The following SAMD5 variants were observed in gnomAD, a reference collection of about 807,000 sequenced individuals.
SAMD5 encodes sterile alpha motif domain containing 5.
SAMD5 carries 13 observed loss-of-function variants against 11.3 expected under a neutral mutation model. That is an observed-to-expected ratio of 1.15 (90% CI 0.75 to 1.83). The LOEUF is 1.83. Among genes scored for constraint, SAMD5 ranks in the 40% most tolerant of loss-of-function variants. The pLI is 0.00. For synonymous variants in SAMD5, 129 were observed against 111.3 expected (o/e 1.16, Z -1.00); for missense variants, 255 against 239.1 (o/e 1.07, Z -0.44).
chr6:147,627,848 T>C (rs1589737), intron 1 of SAMD5, among the ~76,000 whole-genome samples: 39,339 of 152,104 alleles, frequency 0.26, 6,293 homozygotes, highest in Middle Eastern at 0.35. Context: ...TTATTAGAGT[T>C]TTAAAAATAC....
At chr6:147,931,461 C>T in the SAMD5 span, among the ~76,000 whole-genome samples, 1 of 152,134 alleles carries the variant, frequency 6.6e-6, no homozygotes, top group East Asian at 1.9e-4. Flanking sequence ...TTTTGCAGAA[C>T]CTAAGTCCAG....
the SAMD5 span, among the ~76,000 whole-genome samples, chr6:147,757,556 T>C: frequency 6.6e-6 from 1 of 152,238 alleles, no homozygotes; most frequent in Non-Finnish European, 1.5e-5. Flanking sequence ...CATTTATACA[T>C]TTGGCATCAG....
the SAMD5 span, among the ~76,000 whole-genome samples, chr6:147,817,936 G>C: frequency 9.2e-5 from 14 of 152,226 alleles, no homozygotes; most frequent in African/African-American, 3.4e-4. Flanking sequence ...GACTATGCCA[G>C]AAAGGTTGGT....
At chr6:147,813,196 A>G in the SAMD5 span, among the ~76,000 whole-genome samples, 3 of 152,250 alleles carry the variant, frequency 2.0e-5, no homozygotes, top group Non-Finnish European at 4.4e-5. Flanking sequence ...AGGTAGAGAT[A>G]CACGAGAGTA....
chr6:147,647,916 A>G (rs948515736), intron 1 of SAMD5, among the ~76,000 whole-genome samples: 12 of 152,328 alleles, frequency 7.9e-5, no homozygotes, highest in African/African-American at 2.6e-4. Context: ...ATGTTCACTC[A>G]AACCCGTTCT....
At chr6:147,543,822 G>A (rs1583075544) in intron 1 of SAMD5, among the ~76,000 whole-genome samples, 1 of 152,228 alleles carries the variant, frequency 6.6e-6, no homozygotes, top group South Asian at 2.1e-4. Context: ...CTGGGCTTGC[G>A]GTCAGGTCTA....
rs762638493 is a variant in SAMD5 at position 147,567,715 on chromosome 6, T to G, written c.*3259T>G. On this transcript the variant is annotated 3_prime_UTR_variant, in exon 2 of 2. Transcript: ENST00000367474. ...CAGAAGAGATTACCTTAAAGCTGACTAGAAAACTCAGACATAAATTGACAT... is the reference window on the plus strand; with the variant it reads ...CAGAAGAGATTACCTTAAAGCTGACGAGAAAACTCAGACATAAATTGACAT... 5.9e-5 allele frequency: 58 copies of G among 985,342 alleles called. No homozygotes were observed. The highest frequency in any genetic ancestry group is 7.0e-5 in the Non-Finnish European group (58 of 829,870). The allele number at this position is 985,342 out of a possible 1,614,324, so 61.0% of individuals were successfully genotyped here. A position where few individuals can be genotyped will look rare whatever the true frequency, so the allele number is the denominator to read the frequency against.
the SAMD5 span, among the ~76,000 whole-genome samples, chr6:147,748,736 C>A: frequency 6.6e-6 from 1 of 152,134 alleles, no homozygotes; most frequent in African/African-American, 2.4e-5. Context: ...TCATTTCTAC[C>A]AGGAAATGAA....
At chr6:147,651,106 G>T (rs1033067394) in intron 1 of SAMD5, among the ~76,000 whole-genome samples, 1 of 152,116 alleles carries the variant, frequency 6.6e-6, no homozygotes, top group Non-Finnish European at 1.5e-5. Context: ...GATATAAAAC[G>T]CCACTATTCA....
the SAMD5 span, among the ~76,000 whole-genome samples, chr6:147,806,314 G>A: frequency 0.13 from 18,174 of 138,430 alleles, 1,359 homozygotes; most frequent in East Asian, 0.37. Flanking sequence ...GCGCGCGCGC[G>A]CGCGCACACA....
chr6:147,611,988 T>C (rs1789795807), intron 1 of SAMD5, among the ~76,000 whole-genome samples: 3 of 152,220 alleles, frequency 2.0e-5, no homozygotes, highest in Non-Finnish European at 4.4e-5. Flanking sequence ...GCCATCGATG[T>C]AGCTCATCTC....
At chr6:147,859,835 A>G in the SAMD5 span, among the ~76,000 whole-genome samples, 1 of 152,102 alleles carries the variant, frequency 6.6e-6, no homozygotes, top group African/African-American at 2.4e-5. Context: ...ATTTACTGGA[A>G]TTTAGGGCAA....
chr6:147,857,945 G>T, the SAMD5 span, among the ~76,000 whole-genome samples: 1,443 of 151,260 alleles, frequency 9.5e-3, 32 homozygotes, highest in South Asian at 0.065. Context: ...CCCTTCCTTG[G>T]GTTCTGTCCC....
In SAMD5 at chr6:147,564,040, C is replaced by T. The variant is rs528574551; in HGVS notation, c.460-354C>T. Among the ~76,000 whole-genome samples the T allele has an allele frequency of 3.3e-5, 5 of 152,238 alleles. No individual in the cohort carries two copies. The South Asian group carries it at 8.3e-4, about 25-fold the overall frequency. On this transcript the variant is annotated intron_variant, in intron 1 of 1. Coordinates refer to ENST00000367474, the MANE Select transcript of SAMD5 (RefSeq NM_001030060.3). The stretch of plus-strand genomic sequence containing the variant: ...ATTGCTCTAGTACTAACGTTGCTAA[C>T]GTGTAGTACTGAGTAATGTGACTTA...
intron 1 of SAMD5, among the ~76,000 whole-genome samples, chr6:147,522,602 A>G (rs929790281): frequency 3.3e-5 from 5 of 152,242 alleles, no homozygotes; most frequent in Non-Finnish European, 7.3e-5. Context: ...GAGATGAGGA[A>G]TTCATAATAA....
the SAMD5 span, among the ~76,000 whole-genome samples, chr6:147,854,703 T>C: frequency 3.3e-5 from 5 of 151,534 alleles, no homozygotes; most frequent in Non-Finnish European, 7.3e-5. Flanking sequence ...CCTAATAATA[T>C]TCTTGATCCA....
At chr6:147,630,050 A>T (rs77931755) in intron 1 of SAMD5, among the ~76,000 whole-genome samples, 1 of 151,232 alleles carries the variant, frequency 6.6e-6, no homozygotes, top group Non-Finnish European at 1.5e-5. Flanking sequence ...CCCAGGTTCA[A>T]GCAATTCTCC....
intron 1 of SAMD5, among the ~76,000 whole-genome samples, chr6:147,555,290 A>G (rs1312371967): frequency 2.0e-5 from 3 of 152,198 alleles, no homozygotes; most frequent in African/African-American, 4.8e-5. Context: ...AACTGGCTGC[A>G]TTTTCCATGT....
chr6:147,921,760 G>A, the SAMD5 span, among the ~76,000 whole-genome samples: 1 of 152,180 alleles, frequency 6.6e-6, no homozygotes, highest in African/African-American at 2.4e-5. Flanking sequence ...CCCCTGGCCT[G>A]TTGCCCATGG....
Sources: gnomAD v4.1 joint callset for allele counts (sites outside exome capture counted in the v4.1 genomes callset) on GRCh38, gnomAD v4.1.1 for gene constraint, MANE v1.5 for transcripts, NCBI Gene and HGNC (gene_info 2026-07-23, HGNC 2026-07-21) for gene names.